ILKAP: variants seen among roughly 807,000 people sequenced by gnomAD.
The protein encoded by ILKAP is ILK associated serine/threonine phosphatase.
Under a neutral mutation model 49.1 loss-of-function variants are expected in ILKAP, and 11 were observed. The observed-to-expected ratio is 0.22, with a 90% CI of 0.14 to 0.37. The LOEUF is 0.37. Among genes scored for constraint, ILKAP ranks in the 10% least tolerant of loss-of-function variants. ILKAP has a pLI of 1.00. For synonymous variants in ILKAP, 186 were observed against 192.8 expected, an observed-to-expected ratio of 0.96 and a Z score of 0.29; for missense variants, 363 against 510.8, an observed-to-expected ratio of 0.71 and a Z score of 2.79.
chr2:238,185,089 T>C, intron 6 of ILKAP, 92 bp downstream of exon 6: 2 of 792,940 alleles, frequency 2.5e-6, no homozygotes, highest in Middle Eastern at 2.9e-4. Context: ...GATTCTCTGC[T>C]AAAGCCAAAA....
intron 9 of ILKAP, among the ~76,000 whole-genome samples, chr2:238,175,263 T>C (rs1359246369): frequency 6.6e-6 from 1 of 150,416 alleles, no homozygotes; most frequent in African/African-American, 2.4e-5. Flanking sequence ...TCCAGGTAAA[T>C]AAAAAAAAAA....
At chr2:238,176,341 C>T (rs148836137) in intron 9 of ILKAP, among the ~76,000 whole-genome samples, 3,013 of 152,160 alleles carry the variant, frequency 0.02, 100 homozygotes, top group African/African-American at 0.068. Context: ...CCATCCTGGC[C>T]AGGCTGGTCT....
chr2:238,178,542 T>A (rs937943400), intron 9 of ILKAP, among the ~76,000 whole-genome samples: 20 of 152,330 alleles, frequency 1.3e-4, no homozygotes, highest in Admixed American at 4.6e-4. Flanking sequence ...TATACTGTTG[T>A]TAAGAACCAA....
chr2:238,197,520 T>C (rs543497857), intron 1 of ILKAP, among the ~76,000 whole-genome samples: 1 of 152,300 alleles, frequency 6.6e-6, no homozygotes, highest in Non-Finnish European at 1.5e-5. Flanking sequence ...ATCAGGTCTT[T>C]CCACTGCCAC....
chr2:238,171,118 T>C, intron 10 of ILKAP, 94 bp from the exon 11 acceptor site: 1 of 857,528 alleles, frequency 1.2e-6, no homozygotes, highest in South Asian at 1.6e-5. Context: ...AAATAAATAT[T>C]TGTCCAACTA....
chr2:238,203,647 G>T lies in ILKAP; in HGVS notation c.-94C>A, dbSNP rs1216131984. 7 of 737,898 alleles carry T rather than the reference G, an allele frequency of 9.5e-6. No individual in the cohort carries two copies. In the South Asian group the frequency reaches 3.1e-4, roughly 33 times the overall value. The allele number at this position is 737,898 out of a possible 1,614,324, so 45.7% of individuals were successfully genotyped here. ...CCCCGGGCGGGCGGCAGCAGCGGGC[G>T]GGCGACGGGCAGGGGCGGCCGGCGC... On this transcript the variant is annotated 5_prime_UTR_variant, in exon 1 of 12. Transcript: ENST00000254654.
At chr2:238,190,873 T>A in intron 3 of ILKAP, among the ~76,000 whole-genome samples, 1 of 100,470 alleles carries the variant, frequency 1.0e-5, no homozygotes, top group Non-Finnish European at 2.0e-5. Flanking sequence ...AAGACGTTTC[T>A]CTTTAAAAAA....
chr2:238,178,632 A>G (rs1420845563), intron 9 of ILKAP, among the ~76,000 whole-genome samples: 1 of 152,236 alleles, frequency 6.6e-6, no homozygotes, highest in African/African-American at 2.4e-5. Flanking sequence ...TATGAGTAAG[A>G]AATAGCACTC....
intron 11 of ILKAP, 86 bp downstream of exon 11, chr2:238,170,857 G>C: frequency 6.9e-7 from 1 of 1,442,786 alleles, no homozygotes; most frequent in South Asian, 1.1e-5. Flanking sequence ...TCCCACAATG[G>C]GAGGAAATGG....
intron 1 of ILKAP, among the ~76,000 whole-genome samples, chr2:238,202,115 G>A (rs1477746384): frequency 6.6e-6 from 1 of 152,196 alleles, no homozygotes; most frequent in East Asian, 1.9e-4. Flanking sequence ...ATCTCAGCTA[G>A]TAGGGAGGCC....
chr2:238,203,605 AGCGGCCGGGCTCCACACCCCGG>A lies in ILKAP; in HGVS notation c.-74_-53del, dbSNP rs1427752104. The A allele has an allele frequency of 9.2e-7, 1 of 1,086,134 alleles. No individual in the cohort carries two copies. The highest frequency in any genetic ancestry group is 1.7e-5 in the African/African-American group (1 of 59,332). The allele number at this position is 1,086,134 out of a possible 1,614,324, so 67.3% of individuals were successfully genotyped here. On this transcript the variant is annotated 5_prime_UTR_variant, in exon 1 of 12. Coordinates refer to ENST00000254654, the MANE Select transcript of ILKAP (RefSeq NM_030768.3). ...AGCGACAGACACTCAGCCCGCGAGC[AGCGGCCGGGCTCCACACCCCGG>A]GCGGGCGGCAGCAGCGGGCGGGCGA...
chr2:238,199,403 C>T (rs549905762), intron 1 of ILKAP, among the ~76,000 whole-genome samples: 4 of 152,216 alleles, frequency 2.6e-5, no homozygotes, highest in Non-Finnish European at 5.9e-5. Flanking sequence ...AAGTCTACTT[C>T]GCTACACATT....
intron 1 of ILKAP, among the ~76,000 whole-genome samples, chr2:238,203,274 A>G (rs944528336): frequency 1.3e-5 from 2 of 150,808 alleles, no homozygotes; most frequent in Non-Finnish European, 3.0e-5. Flanking sequence ...CTTCCTGCGT[A>G]GCGAAAATGG....
At chr2:238,187,979 G>T in intron 5 of ILKAP, 152 bp downstream of exon 5, 1 of 884,458 alleles carries the variant, frequency 1.1e-6, no homozygotes, top group Non-Finnish European at 1.7e-6. Flanking sequence ...TCCCCTGGGC[G>T]GGGAGCAAAA....
intron 9 of ILKAP, among the ~76,000 whole-genome samples, chr2:238,180,495 T>C (rs765923817): frequency 6.6e-5 from 10 of 152,246 alleles, no homozygotes; most frequent in Non-Finnish European, 1.5e-4. Context: ...CAATGTTCAC[T>C]GCTAGTAGAT....
Position 238,203,625 on chromosome 2 carries a change from C to G in ILKAP, c.-72G>C. The G allele has an allele frequency of 6.2e-6, 6 of 967,062 alleles. No homozygotes were observed. The highest frequency in any genetic ancestry group is 4.9e-5 in the South Asian group (1 of 20,490). 59.9% of individuals were successfully genotyped at this position (967,062 alleles called of 1,614,324 possible). On this transcript the variant is annotated 5_prime_UTR_variant, in exon 1 of 12. Coordinates refer to ENST00000254654, the MANE Select transcript of ILKAP (RefSeq NM_030768.3). ...CGAGCAGCGGCCGGGCTCCACACCC[C>G]GGGCGGGCGGCAGCAGCGGGCGGGC...
At chr2:238,198,290 GT>G (rs1694429167) in intron 1 of ILKAP, among the ~76,000 whole-genome samples, 1 of 151,658 alleles carries the variant, frequency 6.6e-6, no homozygotes. Flanking sequence ...CCAGGTTGGA[GT>G]GCAGTGGTGT....
At chr2:238,173,751 AG>A (rs1693329483) in intron 9 of ILKAP, 98 bp from the exon 10 acceptor site, 1 of 1,323,858 alleles carries the variant, frequency 7.6e-7, no homozygotes, top group African/African-American at 1.5e-5. Flanking sequence ...GAAGTGTGAA[AG>A]ATACAGACTG....
intron 9 of ILKAP, among the ~76,000 whole-genome samples, chr2:238,176,410 C>A (rs1203758390): frequency 6.6e-6 from 1 of 152,176 alleles, no homozygotes; most frequent in Admixed American, 6.5e-5. Context: ...GGATTACAGG[C>A]GTGAGCCACC....
Sources: allele counts gnomAD v4.1 joint callset (sites outside exome capture counted in the v4.1 genomes callset), GRCh38; gene constraint gnomAD v4.1.1; transcripts MANE v1.5; gene names NCBI Gene and HGNC (gene_info 2026-07-23, HGNC 2026-07-21).